The following AZIN2 variants were observed in gnomAD, a reference collection of about 807,000 sequenced individuals.
AZIN2 encodes the protein ODC antizyme inhibitor-2.
A neutral mutation model predicts 47.8 loss-of-function variants in AZIN2; 28 were observed. That is an observed-to-expected ratio of 0.59 (90% confidence interval 0.43 to 0.80). AZIN2 has a LOEUF of 0.80. Ranked by LOEUF, AZIN2 falls within the 30% of genes least tolerant of loss-of-function variation. AZIN2 has a pLI of 0.00. For missense variants in AZIN2, 535 were observed against 582.5 expected (o/e 0.92, Z 0.84); for synonymous variants, 221 against 239.4 (o/e 0.92, Z 0.71).
intron 10 of AZIN2, among the ~76,000 whole-genome samples, chr1:33,099,059 C>T (rs891686333): frequency 2.0e-5 from 3 of 152,202 alleles, no homozygotes; most frequent in Non-Finnish European, 4.4e-5. Flanking sequence ...GCCACCATGC[C>T]TGGCCTCTTC....
At chr1:33,136,858 G>A in the AZIN2 span, among the ~76,000 whole-genome samples, 1 of 151,870 alleles carries the variant, frequency 6.6e-6, no homozygotes, top group Non-Finnish European at 1.5e-5. Flanking sequence ...TTAGCTGGGC[G>A]TGGTGGTGCG....
chr1:33,123,305 A>G lies in AZIN2; in HGVS notation c.*3123A>G, dbSNP rs12404156. On this transcript the variant is annotated 3_prime_UTR_variant, in exon 12 of 12. Coordinates refer to ENST00000294517, the MANE Select transcript of AZIN2 (RefSeq NM_052998.4). ...ATAACATAACTCCATAATGTGTTCC[A>G]TAACACAAGGGCAACTGTCAGCCCT... 0.013 allele frequency among the ~76,000 whole-genome samples: 1,941 copies of G among 152,328 alleles called. 69 individuals are homozygous for G. Among genetic ancestry groups the G allele is most frequent in the East Asian group, 0.067 (350 of 5,194 alleles).
At chr1:33,165,511 T>TC in the AZIN2 span, 1 of 1,610,446 alleles carries the variant, frequency 6.2e-7, no homozygotes, top group Non-Finnish European at 8.5e-7. This position sits in a 1 kb window ranked among gnomAD's most constrained non-coding sequence, Gnocchi z 4.0. Context: ...CTGCAGCGCT[T>TC]CGGTGTGTTC....
rs1191900994 is a variant in AZIN2, at chr1:33,122,848, T to C, written c.*2666T>C. On this transcript the variant is annotated 3_prime_UTR_variant, in exon 12 of 12. Coordinates refer to ENST00000294517, the MANE Select transcript of AZIN2 (RefSeq NM_052998.4). The stretch of plus-strand genomic sequence containing the variant: ...CTCTCCTTCAAGGAGTTAACAGATC[T>C]GAGCTTCCATCTTCTCATACTCAGG... 1.3e-5 allele frequency among the ~76,000 whole-genome samples: 2 copies of C among 152,238 alleles called. No individual in the cohort carries two copies. The highest frequency in any genetic ancestry group is 4.8e-5 in the African/African-American group (2 of 41,456).
chr1:33,100,091 G>A (rs1643552556), intron 10 of AZIN2, among the ~76,000 whole-genome samples: 1 of 152,272 alleles, frequency 6.6e-6, no homozygotes, highest in South Asian at 2.1e-4. Context: ...GGAGGCAGAG[G>A]TGGTTGGATA....
the AZIN2 span, among the ~76,000 whole-genome samples, chr1:33,152,714 G>T: frequency 6.6e-6 from 1 of 152,206 alleles, no homozygotes; most frequent in Non-Finnish European, 1.5e-5. Context: ...GCTACCCTGG[G>T]AGAGAAATGC....
At position 33,093,478 on chromosome 1, in the gene AZIN2, A is replaced by T. The variant is rs113397307; in HGVS notation, c.587+62A>T. The T allele has an allele frequency of 4.4e-6, 7 of 1,579,314 alleles. No homozygotes were observed. In the African/African-American group the frequency reaches 5.4e-5, roughly 12 times the overall value. ...CAGGCTCCCTGCCTCTTTCCCAGGA[A>T]TTAATTCTATATGAGACCTTCCCCA... On this transcript the variant is annotated intron_variant, in intron 7 of 11. Transcript: ENST00000294517.
In AZIN2 at chr1:33,113,705, G is replaced by A. The variant is rs631118; in HGVS notation, c.1030-4197G>A. 0.96 allele frequency among the ~76,000 whole-genome samples: 146,883 copies of A among 152,352 alleles called. 70,876 individuals are homozygous for A. Among genetic ancestry groups the A allele is most frequent in the East Asian group, 1 (5,189 of 5,190 alleles). ...AAGCTACTTAATCTCTCTGAGCCTT[G>A]TTTCTCTAGTTTCTCCATTTGGAAA... On this transcript the variant is annotated intron_variant, in intron 10 of 11. Coordinates refer to ENST00000294517, the MANE Select transcript of AZIN2 (RefSeq NM_052998.4). The surrounding 1 kb of genome is among the most constrained non-coding windows in gnomAD (Gnocchi z 4.1).
the AZIN2 span, chr1:33,165,613 C>A: frequency 6.5e-7 from 1 of 1,528,008 alleles, no homozygotes; most frequent in Non-Finnish European, 8.9e-7. The surrounding 1 kb of genome is among the most constrained non-coding windows in gnomAD (Gnocchi z 4.0). Flanking sequence ...CATGCCTGGC[C>A]CAGGCATTCA....
chr1:33,158,386 A>G, the AZIN2 span: 2 of 1,608,544 alleles, frequency 1.2e-6, no homozygotes, highest in Non-Finnish European at 1.7e-6. Context: ...GAGAGCAGGA[A>G]AGGGGGCTGC....
chr1:33,089,926 A>G (rs1322718342), intron 5 of AZIN2, among the ~76,000 whole-genome samples: 1 of 152,158 alleles, frequency 6.6e-6, no homozygotes, highest in Admixed American at 6.6e-5. Context: ...GGAGAGTCAG[A>G]CTTGAGTTCG....
chr1:33,091,984 C>T (rs984550971), intron 5 of AZIN2, 66 bp from the exon 6 acceptor site: 139 of 1,561,412 alleles, frequency 8.9e-5, no homozygotes, highest in Non-Finnish European at 1.2e-4. Flanking sequence ...CTCATCTGTG[C>T]TTCCTTGGGC....
intron 5 of AZIN2, among the ~76,000 whole-genome samples, chr1:33,088,129 A>G (rs1248489875): frequency 6.6e-6 from 1 of 152,212 alleles, no homozygotes; most frequent in South Asian, 2.1e-4. Context: ...TTTAAATACC[A>G]TCAATATGCC....
At chr1:33,130,832 C>A in the AZIN2 span, among the ~76,000 whole-genome samples, 1 of 152,122 alleles carries the variant, frequency 6.6e-6, no homozygotes, top group Non-Finnish European at 1.5e-5. Flanking sequence ...ATAATGAGAA[C>A]CTGAATTGTG....
downstream of AZIN2, among the ~76,000 whole-genome samples, chr1:33,126,283 T>C (rs905697152): frequency 1.3e-5 from 2 of 152,170 alleles, no homozygotes; most frequent in African/African-American, 2.4e-5. Flanking sequence ...TTCTATTCCT[T>C]CATTAGGGGT....
In AZIN2 at chr1:33,108,342, C is replaced by CTTTTTTT. The variant is rs34834263; in HGVS notation, c.1030-9548_1030-9542dup. 2.4e-3 allele frequency among the ~76,000 whole-genome samples: 319 copies of CTTTTTTT among 134,720 alleles called. 5 individuals are homozygous for CTTTTTTT. In the East Asian group the frequency reaches 0.062, roughly 26 times the overall value. The allele number at this position is 134,720 out of a possible 152,430, so 88.4% of individuals were successfully genotyped here. On this transcript the variant is annotated intron_variant, in intron 10 of 11. Transcript: ENST00000294517. ...AATGGATTAAAGACTTTCAGATTGA[C>CTTTTTTT]TTTTTTTTTTTTTTTTTTGAGACAG...
rs1644789545 is a variant in AZIN2, at chr1:33,121,318, C to A, written c.*1136C>A. Among the ~76,000 whole-genome samples the A allele has an allele frequency of 6.6e-6, 1 of 152,200 alleles. No individual in the cohort carries two copies. The highest frequency in any genetic ancestry group is 2.4e-5 in the African/African-American group (1 of 41,446). On this transcript the variant is annotated 3_prime_UTR_variant, in exon 12 of 12. Transcript: ENST00000294517. Reference sequence around the variant, plus strand: ...GTGGCTCACACCTGTAATCCCAGCACTTTGGGAGGCTGAGGCAGGTGATCA... The same window carrying A: ...GTGGCTCACACCTGTAATCCCAGCAATTTGGGAGGCTGAGGCAGGTGATCA...
the AZIN2 span, among the ~76,000 whole-genome samples, chr1:33,133,936 A>T: frequency 6.6e-6 from 1 of 152,234 alleles, no homozygotes; most frequent in African/African-American, 2.4e-5. Context: ...CAGATGCTTT[A>T]CATGCCTTAT....
intron 9 of AZIN2, among the ~76,000 whole-genome samples, chr1:33,097,122 T>C (rs960042691): frequency 6.6e-6 from 1 of 152,192 alleles, no homozygotes; most frequent in African/African-American, 2.4e-5. Context: ...AGATACTCTG[T>C]TGACCCCATT....
Sources: allele counts gnomAD v4.1 joint callset (sites outside exome capture counted in the v4.1 genomes callset), GRCh38; gene constraint gnomAD v4.1.1; non-coding constraint Gnocchi (gnomAD v3.1); transcripts MANE v1.5; gene names NCBI Gene and HGNC (gene_info 2026-07-23, HGNC 2026-07-21).